The following DCUN1D1 variants were observed in gnomAD, a reference collection of about 807,000 sequenced individuals.
DCUN1D1 encodes DCN1-like protein 1.
Under a neutral mutation model 39.0 loss-of-function variants are expected in DCUN1D1, and 3 were observed. That is an observed-to-expected ratio of 0.08 (90% confidence interval 0.04 to 0.20). The LOEUF is 0.20. DCUN1D1 is among the 10% of genes least tolerant of loss of function. The pLI is 1.00. For missense variants in DCUN1D1, 158 were observed against 302.4 expected (o/e 0.52, Z 3.54); for synonymous variants, 82 against 96.3 (o/e 0.85, Z 0.87).
At position 182,943,290 on chromosome 3, in the gene DCUN1D1, G is replaced by A. The variant is rs1488812729; in HGVS notation, c.*1804C>T. ...CTTTTAAAAATTTTTCATAATTGAA[G>A]TTCCTCTTTATATTTACAAAAAAAT... On this transcript the variant is annotated 3_prime_UTR_variant, in exon 7 of 7. Transcript: ENST00000292782. The A allele has an allele frequency of 6.7e-6, 1 of 149,982 alleles. No homozygotes were observed. Among genetic ancestry groups the A allele is most frequent in the Admixed American group, 6.7e-5 (1 of 15,026 alleles). 9.3% of individuals were successfully genotyped at this position (149,982 alleles called of 1,614,324 possible). A position where few individuals can be genotyped will look rare whatever the true frequency, so the allele number is the denominator to read the frequency against.
intron 4 of DCUN1D1, among the ~76,000 whole-genome samples, chr3:182,960,512 C>T (rs927093633): frequency 3.3e-5 from 5 of 152,168 alleles, no homozygotes; most frequent in Admixed American, 6.6e-5. Flanking sequence ...AATACCAAAT[C>T]CTTTAGTTCA....
In DCUN1D1 at chr3:182,977,367, AT is replaced by A. The variant is rs369237258; in HGVS notation, c.3+3119del. ...AAATCATTAGAATCATAAAATGTCT[AT>A]GCTGGATGAAACTTTAGAAATCATC... On this transcript the variant is annotated intron_variant, in intron 1 of 6. Coordinates refer to ENST00000292782, the MANE Select transcript of DCUN1D1 (RefSeq NM_020640.4). Among the ~76,000 whole-genome samples the A allele has an allele frequency of 1.1e-4, 16 of 152,346 alleles. No homozygotes were observed. The East Asian group carries it at 2.9e-3, about 28-fold the overall frequency.
chr3:182,970,551 G>C (rs1207608068), intron 1 of DCUN1D1, among the ~76,000 whole-genome samples: 6 of 152,034 alleles, frequency 3.9e-5, no homozygotes, highest in Admixed American at 3.9e-4. Context: ...CTGAACTTCA[G>C]AAACAGACAC....
upstream of DCUN1D1, among the ~76,000 whole-genome samples, chr3:182,983,493 ATAACT>A (rs1438924554): frequency 7.2e-5 from 11 of 152,332 alleles, no homozygotes; most frequent in East Asian, 1.9e-4. Context: ...AGGCGGGCAG[ATAACT>A]TAAGTTCAGG....
chr3:182,957,442 C>T (rs1211448488), intron 4 of DCUN1D1, among the ~76,000 whole-genome samples: 1 of 152,144 alleles, frequency 6.6e-6, no homozygotes, highest in Non-Finnish European at 1.5e-5. Flanking sequence ...GCCTGGGCAA[C>T]ACGGTGAGTC....
intron 1 of DCUN1D1, among the ~76,000 whole-genome samples, chr3:182,970,821 T>C (rs1247101632): frequency 1.3e-5 from 2 of 152,166 alleles, no homozygotes; most frequent in Non-Finnish European, 2.9e-5. Flanking sequence ...TCAGCAGACA[T>C]AGCAAAACGT....
intron 6 of DCUN1D1, among the ~76,000 whole-genome samples, chr3:182,945,512 G>C (rs1726348441): frequency 6.6e-6 from 1 of 152,148 alleles, no homozygotes; most frequent in Admixed American, 6.5e-5. Flanking sequence ...TGAGGCAGGA[G>C]AATGGTGTGA....
intron 1 of DCUN1D1, among the ~76,000 whole-genome samples, chr3:182,979,521 G>C (rs1394297473): frequency 6.6e-6 from 1 of 152,004 alleles, no homozygotes; most frequent in African/African-American, 2.4e-5. Context: ...AACGCGAAGA[G>C]CGTCCAGCAG....
intron 1 of DCUN1D1, chr3:182,980,092 C>G (rs1728456684): frequency 1.1e-6 from 1 of 930,010 alleles, no homozygotes; most frequent in Non-Finnish European, 1.3e-6. Context: ...CCCCAGACCC[C>G]AGTCCCCGAC....
In DCUN1D1 at chr3:182,938,241, A is replaced by G. The variant is rs537815557; in HGVS notation, c.*6853T>C. ...AGAAATTTAAAGTGCTAAAGCAATC[A>G]TTGTTTTTTCAAAAAAATGAATTTG... On this transcript the variant is annotated 3_prime_UTR_variant, in exon 7 of 7. Transcript: ENST00000292782. 6.6e-6 allele frequency: 1 copy of G among 152,192 alleles called. No homozygotes were observed. The highest frequency in any genetic ancestry group is 2.4e-5 in the African/African-American group (1 of 41,536). The allele number at this position is 152,192 out of a possible 1,614,324, so 9.4% of individuals were successfully genotyped here.
At chr3:182,959,518 A>AAAC (rs1727272658) in intron 4 of DCUN1D1, among the ~76,000 whole-genome samples, 1 of 150,352 alleles carries the variant, frequency 6.7e-6, no homozygotes, top group African/African-American at 2.5e-5. Flanking sequence ...AAAAAAAAAA[A>AAAC]AAAAAAAACC....
chr3:182,945,627 G>T (rs1726357756), intron 6 of DCUN1D1, among the ~76,000 whole-genome samples: 1 of 152,056 alleles, frequency 6.6e-6, no homozygotes. Context: ...CAAAAAACTG[G>T]CAGCCTAAGG....
At chr3:182,961,205 A>G (rs1422199836) in intron 4 of DCUN1D1, 21 bp downstream of exon 4, 1 of 1,445,622 alleles carries the variant, frequency 6.9e-7, no homozygotes, top group East Asian at 2.3e-5. Flanking sequence ...AACACCAAAT[A>G]TAATTTTTAA....
Position 182,942,203 on chromosome 3 carries a change from T to C in DCUN1D1, c.*2891A>G, listed in dbSNP as rs1354914163. On this transcript the variant is annotated 3_prime_UTR_variant, in exon 7 of 7. Transcript: ENST00000292782. Reference sequence around the variant, plus strand: ...TTGTTAATAAAGCAGCCCAGTATAGTTGTAAACATCTTAAATGTAGTAAAC... The same window carrying C: ...TTGTTAATAAAGCAGCCCAGTATAGCTGTAAACATCTTAAATGTAGTAAAC... 2 of 152,160 alleles carry C rather than the reference T, an allele frequency of 1.3e-5. No homozygotes were observed. The highest frequency in any genetic ancestry group is 2.9e-5 in the Non-Finnish European group (2 of 67,996). The allele number at this position is 152,160 out of a possible 1,614,324, so 9.4% of individuals were successfully genotyped here.
At chr3:182,949,336 C>T (rs1049374544) in intron 4 of DCUN1D1, among the ~76,000 whole-genome samples, 11 of 152,136 alleles carry the variant, frequency 7.2e-5, no homozygotes, top group African/African-American at 2.4e-4. Context: ...GCACTCCAGC[C>T]TGGGCAACAG....
chr3:182,956,043 C>T (rs929842687), intron 4 of DCUN1D1: 1 of 155,118 alleles, frequency 6.4e-6, no homozygotes, highest in Admixed American at 6.5e-5. Flanking sequence ...ATTCTCCTGC[C>T]TCAGCCCCCC....
At chr3:182,964,166 G>A (rs1727545106) in intron 2 of DCUN1D1, 117 bp from the exon 3 acceptor site, 3 of 724,832 alleles carry the variant, frequency 4.1e-6, no homozygotes, top group Non-Finnish European at 6.7e-6. Context: ...TGGAAGGCAT[G>A]AAACGATATT....
rs912630144 is a variant in DCUN1D1 at position 182,939,403 on chromosome 3, G to A, written c.*5691C>T. The A allele has an allele frequency of 2.6e-5, 4 of 152,124 alleles. No homozygotes were observed. Among genetic ancestry groups the A allele is most frequent in the African/African-American group, 9.7e-5 (4 of 41,410 alleles). 9.4% of individuals were successfully genotyped at this position (152,124 alleles called of 1,614,324 possible). ...TGTCCACACAAAGACATTTATGAATGTTCATAGCATTATTATTCGCAATTT... is the reference window on the plus strand; with the variant it reads ...TGTCCACACAAAGACATTTATGAATATTCATAGCATTATTATTCGCAATTT... On this transcript the variant is annotated 3_prime_UTR_variant, in exon 7 of 7. Transcript: ENST00000292782.
chr3:182,955,929 CT>C (rs71185615), intron 4 of DCUN1D1: 2,783 of 132,202 alleles, frequency 0.021, 83 homozygotes, highest in African/African-American at 0.069. Context: ...GCTTATCAAA[CT>C]TTTTTTTTTT....
Sources: gnomAD v4.1 joint callset for allele counts (sites outside exome capture counted in the v4.1 genomes callset) on GRCh38, gnomAD v4.1.1 for gene constraint, MANE v1.5 for transcripts, NCBI Gene and HGNC (gene_info 2026-07-23, HGNC 2026-07-21) for gene names.